MTRFR: variants seen among roughly 807,000 people sequenced by gnomAD.
The protein encoded by MTRFR is probable peptide chain release factor C12orf65, mitochondrial.
Under a neutral mutation model 11.9 loss-of-function variants are expected in MTRFR, and 10 were observed. The ratio of observed to expected loss-of-function variants is 0.84; its 90% CI spans 0.52 to 1.42. The LOEUF is 1.42. MTRFR is among the 40% of genes most tolerant of loss of function. The pLI is 0.00. For synonymous variants in MTRFR, 77 were observed against 79.1 expected, an observed-to-expected ratio of 0.97 and a Z score of 0.14; for missense variants, 196 against 197.9, an observed-to-expected ratio of 0.99 and a Z score of 0.06.
chr12:123,253,795 G>C lies in MTRFR; in HGVS notation c.121G>C (p.Val41Leu). The C allele has an allele frequency of 5.0e-6, 8 of 1,614,182 alleles. No individual in the cohort carries two copies. The highest frequency in any genetic ancestry group is 6.8e-6 in the Non-Finnish European group (8 of 1,180,038). ...ATCCCCAGGAATAGCTGTCACTCCG[G>C]TCCAGATGGCAGGCAAGAAGGACTA... ...LLSPGIAVTP[V>L]QMAGKKDYPA... Residue 41 changes from valine (V) to leucine (L), a missense_variant, in exon 2 of 3, where the codon GTC becomes CTC. Physicochemically the swap from Val to Leu is conservative, Grantham distance 32. Transcript: ENST00000253233.
chr12:123,242,789 C>T (rs1001135782), intron 1 of MTRFR, among the ~76,000 whole-genome samples: 4 of 152,166 alleles, frequency 2.6e-5, no homozygotes, highest in East Asian at 1.9e-4. Flanking sequence ...CTGGGAGTCT[C>T]GCCTTGCCTT....
intron 1 of MTRFR, among the ~76,000 whole-genome samples, chr12:123,238,852 C>T (rs1273535559): frequency 6.6e-6 from 1 of 152,160 alleles, no homozygotes; most frequent in African/African-American, 2.4e-5. Flanking sequence ...TAGCAAGATT[C>T]TAGAGCTACA....
At chr12:123,247,708 G>C (rs865780478) in intron 1 of MTRFR, among the ~76,000 whole-genome samples, 18 of 152,280 alleles carry the variant, frequency 1.2e-4, no homozygotes, top group African/African-American at 4.1e-4. Context: ...CACTTTGGGA[G>C]GCCAAGGTGG....
At chr12:123,256,192 T>C (rs937379814) in intron 2 of MTRFR, among the ~76,000 whole-genome samples, 7 of 152,226 alleles carry the variant, frequency 4.6e-5, no homozygotes, top group Non-Finnish European at 8.8e-5. Context: ...GACAGAACTT[T>C]ATGCTTATGA....
At chr12:123,254,124 C>A in intron 2 of MTRFR, 168 bp downstream of exon 2, 1 of 756,124 alleles carries the variant, frequency 1.3e-6, no homozygotes, top group Non-Finnish European at 2.1e-6. Context: ...CGTCCCATCC[C>A]TGAGCCATTC....
intron 1 of MTRFR, among the ~76,000 whole-genome samples, chr12:123,237,985 T>A: frequency 6.6e-6 from 1 of 151,844 alleles, no homozygotes; most frequent in Non-Finnish European, 1.5e-5. Context: ...AACCTCTGCC[T>A]GCCAGGTTGA....
chr12:123,244,850 C>T (rs531904350), intron 1 of MTRFR, among the ~76,000 whole-genome samples: 41 of 150,486 alleles, frequency 2.7e-4, no homozygotes, highest in Middle Eastern at 6.8e-3. Context: ...TCAGGCTGGT[C>T]TCGAACTCCT....
intron 1 of MTRFR, among the ~76,000 whole-genome samples, chr12:123,247,773 A>G (rs908067786): frequency 5.9e-5 from 9 of 152,094 alleles, no homozygotes; most frequent in Admixed American, 6.5e-5. Context: ...GTGAGACCTC[A>G]TCTCTACTAA....
chr12:123,245,970 T>C (rs2048033971), intron 1 of MTRFR, among the ~76,000 whole-genome samples: 1 of 152,216 alleles, frequency 6.6e-6, no homozygotes, highest in Admixed American at 6.5e-5. Flanking sequence ...GTAGGAATTC[T>C]TGTCTTGTTC....
chr12:123,253,487 C>T (rs971435434), intron 1 of MTRFR, 160 bp from the exon 2 acceptor site: 1 of 671,698 alleles, frequency 1.5e-6, no homozygotes, highest in African/African-American at 1.8e-5. Context: ...AGGAGAGGGG[C>T]GTCTTGCTGA....
chr12:123,236,873 CAGGAGT>C lies in MTRFR; in HGVS notation c.-29+3343_-29+3348del, dbSNP rs539983835. Among the ~76,000 whole-genome samples the C allele has an allele frequency of 4.7e-3, 720 of 152,190 alleles. 8 individuals carry two copies. Among genetic ancestry groups the C allele is most frequent in the Middle Eastern group, 0.02 (6 of 294 alleles). On this transcript the variant is annotated intron_variant, in intron 1 of 2. Transcript: ENST00000253233. The stretch of plus-strand genomic sequence containing the variant: ...CCGAGGCGGGCGGATCGCCTGAGGT[CAGGAGT>C]TCAACACCAGCCTGAGAAACACGGT...
intron 1 of MTRFR, among the ~76,000 whole-genome samples, chr12:123,243,255 G>A (rs980390835): frequency 4.0e-5 from 6 of 151,298 alleles, no homozygotes; most frequent in Non-Finnish European, 1.5e-5. Flanking sequence ...TTTTGGCTGG[G>A]CGCAATGGCT....
chr12:123,249,887 G>A (rs1218159459), intron 1 of MTRFR: 1 of 152,218 alleles, frequency 6.6e-6, no homozygotes, highest in African/African-American at 2.4e-5. Flanking sequence ...GATTTCTCAG[G>A]TGTTCTTTGT....
intron 2 of MTRFR, among the ~76,000 whole-genome samples, chr12:123,255,796 T>G (rs1191750235): frequency 6.6e-6 from 1 of 152,178 alleles, no homozygotes; most frequent in African/African-American, 2.4e-5. Flanking sequence ...AGCTAATTTT[T>G]TTGTATTTTT....
Position 123,257,207 on chromosome 12 carries a change from C to T in MTRFR, c.*176C>T, listed in dbSNP as rs187437068. The T allele has an allele frequency of 2.4e-4, 154 of 637,272 alleles. No individual in the cohort carries two copies. Among genetic ancestry groups the T allele is most frequent in the African/African-American group, 2.4e-3 (130 of 54,384 alleles). 39.5% of individuals were successfully genotyped at this position (637,272 alleles called of 1,614,324 possible). A position where few individuals can be genotyped will look rare whatever the true frequency, so the allele number is the denominator to read the frequency against. On this transcript the variant is annotated 3_prime_UTR_variant, in exon 3 of 3. Transcript: ENST00000253233. ...AAACTGTAGTGAACAGAGACATGCA[C>T]GATTCAAGAATAAAACTCGGCTGGG...
chr12:123,237,721 A>T (rs1383131005), intron 1 of MTRFR, among the ~76,000 whole-genome samples: 1 of 152,186 alleles, frequency 6.6e-6, no homozygotes, highest in Admixed American at 6.6e-5. Flanking sequence ...CCCCAAGTCT[A>T]GGAAATGGCA....
At chr12:123,243,169 C>G (rs1045643038) in intron 1 of MTRFR, among the ~76,000 whole-genome samples, 1 of 152,156 alleles carries the variant, frequency 6.6e-6, no homozygotes, top group African/African-American at 2.4e-5. Context: ...TTCCTTGGCA[C>G]ACTCCATTTC....
chr12:123,236,263 A>G (rs12825832), intron 1 of MTRFR, among the ~76,000 whole-genome samples: 2,831 of 152,148 alleles, frequency 0.019, 44 homozygotes, highest in Middle Eastern at 0.031. Flanking sequence ...TGCATCTCTT[A>G]TTTTCTTTAT....
chr12:123,256,963 G>A lies in MTRFR; in HGVS notation c.433G>A (p.Ala145Thr), dbSNP rs749208492. ...AKKKQERKKR[A>T]KETLEKKKLL... ...GAAAAAACAAGAAAGGAAAAAAAGA[G>A]CAAAGGAAACCCTGGAAAAAAAGAA... Residue 145 changes from alanine (A) to threonine (T), a missense_variant, in exon 3 of 3, where the codon GCA (alanine) becomes ACA (threonine). Physicochemically the swap from Ala to Thr is moderately conservative, Grantham distance 58. Transcript: ENST00000253233. 6 of 1,613,428 alleles carry A rather than the reference G, an allele frequency of 3.7e-6. No homozygotes were observed. The highest frequency in any genetic ancestry group is 2.2e-5 in the East Asian group (1 of 44,866).
Sources: gnomAD v4.1 joint callset for allele counts (sites outside exome capture counted in the v4.1 genomes callset) on GRCh38, gnomAD v4.1.1 for gene constraint, MANE v1.5 for transcripts, NCBI Gene and HGNC (gene_info 2026-07-23, HGNC 2026-07-21) for gene names.